PSMB7: variants seen among roughly 807,000 people sequenced by gnomAD.
PSMB7 encodes proteasome 20S subunit beta 7.
PSMB7 carries 5 observed loss-of-function variants against 28.1 expected under a neutral mutation model. That is an observed-to-expected ratio of 0.18 (90% confidence interval 0.09 to 0.37). The LOEUF is 0.37. Among genes scored for constraint, PSMB7 ranks in the 10% least tolerant of loss-of-function variants. The pLI is 1.00. For synonymous variants in PSMB7, 122 were observed against 123.7 expected (o/e 0.99, Z 0.09); for missense variants, 275 against 346.2 (o/e 0.79, Z 1.63).
At chr9:124,370,300 C>T (rs1355118167) in intron 6 of PSMB7, among the ~76,000 whole-genome samples, 2 of 149,148 alleles carry the variant, frequency 1.3e-5, no homozygotes, top group Non-Finnish European at 3.0e-5. Flanking sequence ...AATCATTTGG[C>T]TATTTTTAGA....
intron 5 of PSMB7, among the ~76,000 whole-genome samples, chr9:124,390,530 T>A (rs769648492): frequency 2.6e-5 from 4 of 152,172 alleles, no homozygotes; most frequent in African/African-American, 9.7e-5. Context: ...TAGAAGTACA[T>A]TTTTTTGGCA....
At chr9:124,383,294 T>C (rs1351505714) in intron 6 of PSMB7, among the ~76,000 whole-genome samples, 1 of 152,224 alleles carries the variant, frequency 6.6e-6, no homozygotes, top group African/African-American at 2.4e-5. Context: ...TATTCTTAAT[T>C]GGAACAAGAC....
chr9:124,403,427 C>T (rs569711809), intron 5 of PSMB7, among the ~76,000 whole-genome samples: 9 of 152,050 alleles, frequency 5.9e-5, no homozygotes, highest in Admixed American at 3.9e-4. Flanking sequence ...CAGGAGGCTG[C>T]GGTGGGTGGA....
chr9:124,376,215 T>C (rs1244448154), intron 6 of PSMB7, among the ~76,000 whole-genome samples: 2 of 152,182 alleles, frequency 1.3e-5, no homozygotes, highest in Non-Finnish European at 2.9e-5. Context: ...CATTCACCAA[T>C]ATTTAAAGAC....
intron 6 of PSMB7, among the ~76,000 whole-genome samples, chr9:124,364,958 T>C (rs965208846): frequency 6.6e-6 from 1 of 152,192 alleles, no homozygotes; most frequent in African/African-American, 2.4e-5. Context: ...GGCACTGTGT[T>C]ATATGACATG....
At position 124,415,403 on chromosome 9, in the gene PSMB7, G is replaced by A; in HGVS notation, c.23C>T (p.Ala8Val). Residue 8 changes from alanine (A) to valine (V), a missense_variant, in exon 1 of 8, where the codon GCT (alanine) becomes GTT (valine). Around this residue, in one of 2 missense-constraint regions of PSMB7, gnomAD observed 62 missense variants for 43.9 expected, o/e 1.41. Transcript: ENST00000259457. MAAVSVY[A>V]PPVGGFSFDN... ...AAAAGAGAAGCCTCCAACTGGTGGA[G>A]CATACACCGACACAGCCGCCATCTT... 4 of 1,614,152 alleles carry A rather than the reference G, an allele frequency of 2.5e-6. No homozygotes were observed. Among genetic ancestry groups the A allele is most frequent in the African/African-American group, 1.3e-5 (1 of 75,064 alleles).
intron 5 of PSMB7, among the ~76,000 whole-genome samples, chr9:124,400,908 G>T (rs983892993): frequency 3.3e-5 from 5 of 152,212 alleles, no homozygotes; most frequent in African/African-American, 1.2e-4. Flanking sequence ...CAAGCATGGT[G>T]TAGCCACATA....
chr9:124,413,817 A>AAAGGT, intron 3 of PSMB7, 91 bp downstream of exon 3: 3 of 840,828 alleles, frequency 3.6e-6, no homozygotes, highest in Non-Finnish European at 5.6e-6. Context: ...ACAGGTTGAA[A>AAAGGT]AACAGGTTTT....
At chr9:124,389,085 G>C (rs1046055431) in intron 5 of PSMB7, among the ~76,000 whole-genome samples, 2 of 152,318 alleles carry the variant, frequency 1.3e-5, no homozygotes, top group Admixed American at 6.5e-5. Flanking sequence ...TAAATGCCTG[G>C]ATAAGGTGTA....
chr9:124,384,319 C>T (rs900381889), intron 6 of PSMB7: 15 of 374,138 alleles, frequency 4.0e-5, no homozygotes, highest in Admixed American at 9.1e-5. Context: ...AAACATTCCA[C>T]GTTACCACCG....
chr9:124,405,552 A>C, intron 4 of PSMB7, 120 bp from the exon 5 acceptor site: 1 of 648,598 alleles, frequency 1.5e-6, no homozygotes, highest in Non-Finnish European at 2.8e-6. Context: ...TGTTTCATTA[A>C]GGGGTTATTG....
In PSMB7 at chr9:124,413,311, T is replaced by C. The variant is rs529648843; in HGVS notation, c.254+597A>G. 3.3e-5 allele frequency among the ~76,000 whole-genome samples: 5 copies of C among 151,020 alleles called. No individual in the cohort carries two copies. In the South Asian group the frequency reaches 8.4e-4, roughly 25 times the overall value. On this transcript the variant is annotated intron_variant, in intron 3 of 7. Coordinates refer to ENST00000259457, the MANE Select transcript of PSMB7 (RefSeq NM_002799.4). ...TAGAATAGCTTGGAGATGAGGGAAA[T>C]AGGGACAGTTCAGACGTAACTGGAG...
In PSMB7 at chr9:124,414,950, G is replaced by A. The variant is rs908399643; in HGVS notation, c.63-15C>T. ...AGACGGCATTCCTAAGAGCAAATGA[G>A]AGAATCAAGTGTTGAAGGGCAGGAC... On this transcript the variant is annotated splice_polypyrimidine_tract_variant and intron_variant, in intron 1 of 7. Coordinates refer to ENST00000259457, the MANE Select transcript of PSMB7 (RefSeq NM_002799.4). 8 of 1,584,588 alleles carry A rather than the reference G, an allele frequency of 5.0e-6. No homozygotes were observed. The African/African-American group carries it at 8.1e-5, about 16-fold the overall frequency.
intron 6 of PSMB7, among the ~76,000 whole-genome samples, chr9:124,380,417 T>C (rs1359066867): frequency 6.6e-6 from 1 of 152,102 alleles, no homozygotes; most frequent in Non-Finnish European, 1.5e-5. Context: ...GGTACACAAC[T>C]ATAGTCCCAG....
chr9:124,379,794 G>C (rs1341572336), intron 6 of PSMB7, among the ~76,000 whole-genome samples: 3 of 152,158 alleles, frequency 2.0e-5, no homozygotes, highest in Non-Finnish European at 4.4e-5. Context: ...AAGTGTACTG[G>C]TTATCGTCCT....
At chr9:124,367,472 ACT>A (rs1323376660) in intron 6 of PSMB7, among the ~76,000 whole-genome samples, 6 of 151,636 alleles carry the variant, frequency 4.0e-5, no homozygotes, top group African/African-American at 1.5e-4. Context: ...ATTCGGATAA[ACT>A]CTCTGTTACT....
chr9:124,388,303 C>T (rs181437108), intron 5 of PSMB7, among the ~76,000 whole-genome samples: 9 of 152,342 alleles, frequency 5.9e-5, no homozygotes, highest in African/African-American at 1.7e-4. Flanking sequence ...CTCTGCTGTA[C>T]ACTCGAGTAT....
chr9:124,355,292 T>TG (rs780534372), intron 7 of PSMB7, among the ~76,000 whole-genome samples: 13 of 152,364 alleles, frequency 8.5e-5, no homozygotes, highest in Admixed American at 2.6e-4. Context: ...GGTTTTCTTT[T>TG]GTTCTTGGGT....
At chr9:124,399,917 T>A (rs988507899) in intron 5 of PSMB7, among the ~76,000 whole-genome samples, 1 of 152,082 alleles carries the variant, frequency 6.6e-6, no homozygotes, top group Non-Finnish European at 1.5e-5. Flanking sequence ...GCGAACCTAA[T>A]CCTCTCATTC....
Sources: gnomAD v4.1 joint callset for allele counts (sites outside exome capture counted in the v4.1 genomes callset) on GRCh38, gnomAD v4.1.1 for gene constraint, gnomAD v4.1.1 regional missense constraint, MANE v1.5 for transcripts, NCBI Gene and HGNC (gene_info 2026-07-23, HGNC 2026-07-21) for gene names.